The following SMCHD1 variants were observed in gnomAD, a reference collection of about 807,000 sequenced individuals.
The protein encoded by SMCHD1 is structural maintenance of chromosomes flexible hinge domain containing 1.
In SMCHD1, 78 loss-of-function variants were observed where a neutral mutation model predicts 254.7. The ratio of observed to expected loss-of-function variants is 0.31; its 90% CI spans 0.26 to 0.37. SMCHD1 has a LOEUF of 0.37. SMCHD1 is among the 10% of genes least tolerant of loss of function. SMCHD1 has a pLI of 1.00. For synonymous variants in SMCHD1, 766 were observed against 794.9 expected (o/e 0.96, Z 0.61); for missense variants, 1,840 against 2,408.1 (o/e 0.76, Z 4.94).
chr18:2,675,809 A>T (rs560689867), intron 5 of SMCHD1, among the ~76,000 whole-genome samples: 1 of 152,214 alleles, frequency 6.6e-6, no homozygotes, highest in Admixed American at 6.5e-5. Context: ...AACTGAATTC[A>T]TGGGACATTG....
At chr18:2,769,595 CACTT>C (rs2075937587) in intron 37 of SMCHD1, 95 bp from the exon 38 acceptor site, 1 of 1,308,032 alleles carries the variant, frequency 7.6e-7, no homozygotes, top group Non-Finnish European at 1.1e-6. Flanking sequence ...TAAAATTAAC[CACTT>C]ACTTGAAAAC....
At chr18:2,710,334 CT>C (rs1039261157) in intron 17 of SMCHD1, among the ~76,000 whole-genome samples, 8 of 152,284 alleles carry the variant, frequency 5.3e-5, no homozygotes, top group African/African-American at 1.9e-4. Context: ...AGTCCTCCAA[CT>C]TTATTCTTGT....
chr18:2,744,678 A>G (rs1298720116), intron 29 of SMCHD1, among the ~76,000 whole-genome samples: 2 of 152,200 alleles, frequency 1.3e-5, no homozygotes, highest in Non-Finnish European at 2.9e-5. Flanking sequence ...ATAGTAATAT[A>G]CTATTAACTG....
At position 2,656,266 on chromosome 18, in the gene SMCHD1, G is replaced by T; in HGVS notation, c.186+5G>T. ...TTTCGCGCGTGTGTGTGTCAGGTAC[G>T]CGAAGGGGCGAGGAAGGGATGCGCG... On this transcript the variant is annotated splice_donor_5th_base_variant and intron_variant, in intron 1 of 47. Coordinates refer to ENST00000320876, the MANE Select transcript of SMCHD1 (RefSeq NM_015295.3). The T allele has an allele frequency of 6.7e-7, 1 of 1,484,640 alleles. No individual in the cohort carries two copies. The allele number at this position is 1,484,640 out of a possible 1,614,324, so 92.0% of individuals were successfully genotyped here. A position where few individuals can be genotyped will look rare whatever the true frequency, so the allele number is the denominator to read the frequency against.
At chr18:2,717,526 C>T (rs1413927359) in intron 17 of SMCHD1, among the ~76,000 whole-genome samples, 3 of 152,092 alleles carry the variant, frequency 2.0e-5, no homozygotes, top group South Asian at 4.1e-4. Flanking sequence ...AGAGACAAGC[C>T]ATCACTATAT....
At chr18:2,714,251 CTGT>C (rs375635246) in intron 17 of SMCHD1, among the ~76,000 whole-genome samples, 2 of 151,982 alleles carry the variant, frequency 1.3e-5, no homozygotes, top group Non-Finnish European at 1.5e-5. Flanking sequence ...ATTTTTTTAA[CTGT>C]TGTTGATTTA....
chr18:2,687,062 A>G (rs1314686465), intron 5 of SMCHD1, among the ~76,000 whole-genome samples: 1 of 152,194 alleles, frequency 6.6e-6, no homozygotes, highest in East Asian at 1.9e-4. Flanking sequence ...TTCAGGATTT[A>G]AAATATTTTC....
In SMCHD1 at chr18:2,739,497, G is replaced by A. The variant is rs367808331; in HGVS notation, c.3491G>A (p.Gly1164Asp). The A allele has an allele frequency of 3.1e-6, 5 of 1,613,060 alleles. No individual in the cohort carries two copies. Among genetic ancestry groups the A allele is most frequent in the East Asian group, 4.5e-5 (2 of 44,764 alleles). Residue 1164 changes from glycine (G) to aspartate (D), a missense_variant, in exon 27 of 48, where the codon GGC becomes GAC. By Grantham distance (94) the Gly-to-Asp change is moderately conservative. Around this residue, in one of 9 missense-constraint regions of SMCHD1, gnomAD observed 881 missense variants for 1,009.5 expected, o/e 0.87. Transcript: ENST00000320876. ...EMKGGKTVQM[G>D]QELQGEVVII... ...AAAGGAGGAAAAACAGTACAGATGG[G>A]CCAAGAGCTTCAAGGAGAAGTAGGT...
chr18:2,669,718 A>G (rs973270946), intron 3 of SMCHD1, among the ~76,000 whole-genome samples: 2 of 152,310 alleles, frequency 1.3e-5, no homozygotes, highest in African/African-American at 4.8e-5. Context: ...TATCTCTTGA[A>G]GTCCAGTTTT....
intron 36 of SMCHD1, 28 bp from the exon 37 acceptor site, chr18:2,763,609 C>CT: frequency 6.6e-7 from 1 of 1,522,124 alleles, no homozygotes; most frequent in Non-Finnish European, 8.8e-7. Context: ...ATCAGTTTCT[C>CT]TAATTGTTTT....
At chr18:2,661,132 A>T (rs1176989923) in intron 1 of SMCHD1, among the ~76,000 whole-genome samples, 2 of 152,218 alleles carry the variant, frequency 1.3e-5, no homozygotes, top group Non-Finnish European at 2.9e-5. Context: ...GAACAATGAG[A>T]ACACATGAAC....
chr18:2,678,238 T>TTA (rs58925591), intron 5 of SMCHD1, among the ~76,000 whole-genome samples: 1 of 113,038 alleles, frequency 8.8e-6, no homozygotes, highest in Admixed American at 9.8e-5. Flanking sequence ...TTTCTTTCTT[T>TTA]CTTTCGTTCT....
chr18:2,759,763 T>C (rs1211881372), intron 34 of SMCHD1, among the ~76,000 whole-genome samples: 1 of 151,842 alleles, frequency 6.6e-6, no homozygotes, highest in East Asian at 1.9e-4. Flanking sequence ...AGAGATGGGG[T>C]TTCGCCATGT....
At chr18:2,740,968 A>T (rs1400460158) in intron 28 of SMCHD1, 147 bp downstream of exon 28, 5 of 558,798 alleles carry the variant, frequency 8.9e-6, no homozygotes, top group Non-Finnish European at 1.6e-5. Context: ...AACTTGAAAA[A>T]GTTTGAACAT....
At position 2,743,264 on chromosome 18, in the gene SMCHD1, G is replaced by A. The variant is rs185761979; in HGVS notation, c.3634-497G>A. ...CTCCTGACCTTGTGGAAATCATCTT[G>A]TCATGGAGAGAACATGCAATAGATA... is the stretch of plus-strand genomic sequence containing the variant. On this transcript the variant is annotated intron_variant, in intron 28 of 47. Coordinates refer to ENST00000320876, the MANE Select transcript of SMCHD1 (RefSeq NM_015295.3). Among the ~76,000 whole-genome samples the A allele has an allele frequency of 1.3e-3, 203 of 152,278 alleles. 1 individual carries two copies. The highest frequency in any genetic ancestry group is 4.7e-3 in the African/African-American group (197 of 41,558).
chr18:2,666,741 A>T, intron 2 of SMCHD1, 129 bp from the exon 3 acceptor site: 1 of 670,406 alleles, frequency 1.5e-6, no homozygotes, highest in Non-Finnish European at 2.4e-6. Flanking sequence ...GCTTACAGGT[A>T]GATGATTGGG....
intron 23 of SMCHD1, chr18:2,728,813 A>G (rs1302419091): frequency 2.3e-6 from 1 of 442,844 alleles, no homozygotes; most frequent in African/African-American, 2.1e-5. Context: ...TTTGTGAATA[A>G]AAGTTTACTC....
At chr18:2,782,126 CA>C (rs1568378948) in intron 44 of SMCHD1, among the ~76,000 whole-genome samples, 4 of 152,180 alleles carry the variant, frequency 2.6e-5, no homozygotes, top group African/African-American at 9.7e-5. Flanking sequence ...CTTTGCCAAT[CA>C]AATGTTATTT....
At chr18:2,712,131 G>T (rs1043867000) in intron 17 of SMCHD1, among the ~76,000 whole-genome samples, 5 of 152,042 alleles carry the variant, frequency 3.3e-5, no homozygotes, top group African/African-American at 1.2e-4. Flanking sequence ...AGACTAAGGT[G>T]AGTTCTTTTA....
Sources: gnomAD v4.1 joint callset for allele counts (sites outside exome capture counted in the v4.1 genomes callset) on GRCh38, gnomAD v4.1.1 for gene constraint, gnomAD v4.1.1 regional missense constraint, MANE v1.5 for transcripts, NCBI Gene and HGNC (gene_info 2026-07-23, HGNC 2026-07-21) for gene names.